ZNF550: variants seen among roughly 807,000 people sequenced by gnomAD.
ZNF550 encodes the protein zinc finger protein 550.
In ZNF550, 42 loss-of-function variants were observed where a neutral mutation model predicts 40.2. The observed-to-expected ratio is 1.05, with a 90% CI of 0.82 to 1.35. The LOEUF is 1.35. Ranked by LOEUF, ZNF550 falls within the 40% of genes most tolerant of loss-of-function variation. The probability of loss-of-function intolerance (pLI) is 0.00; values close to 1 mark genes in which losing one functional copy is unlikely to be tolerated. For missense variants in ZNF550, 549 were observed against 525.2 expected (o/e 1.05, Z -0.44); for synonymous variants, 223 against 198.6 (o/e 1.12, Z -1.03).
rs10410631 is a variant in ZNF550, at chr19:57,547,371, T to G, written c.873A>C (p.Gln291His). 7.4e-6 allele frequency: 12 copies of G among 1,613,228 alleles called. No individual in the cohort carries two copies. In the African/African-American group the frequency reaches 1.5e-4, roughly 20 times the overall value. Reference sequence around the variant, plus strand: ...ACCGGTGGGTGAAGGCCTTTCGACATTGACTACACTCATAGGGTTTCTCTC... The same window carrying G: ...ACCGGTGGGTGAAGGCCTTTCGACAGTGACTACACTCATAGGGTTTCTCTC... The change falls in exon 4 of 5, where the codon CAA becomes CAC. Residue 291 changes from glutamine (Q) to histidine (H), a missense_variant. Physicochemically the swap from Gln to His is conservative, Grantham distance 24. Coordinates refer to ENST00000457177, the Ensembl canonical transcript of ZNF550.
intron 1 of ZNF550, among the ~76,000 whole-genome samples, chr19:57,558,146 A>G (rs2090138746): frequency 6.6e-6 from 1 of 152,198 alleles, no homozygotes; most frequent in South Asian, 2.1e-4. Flanking sequence ...GAGAGCAGGC[A>G]GGTGGGAGTG....
exon 4 of ZNF550, chr19:57,547,633 T>C: frequency 6.2e-7 from 1 of 1,614,194 alleles, no homozygotes; most frequent in Non-Finnish European, 8.5e-7. Flanking sequence ...CTGCTTGCAT[T>C]TGTAGGGGTT....
intron 4 of ZNF550, chr19:57,544,474 T>C: frequency 1.0e-6 from 1 of 985,328 alleles, no homozygotes; most frequent in Non-Finnish European, 1.2e-6. Flanking sequence ...TAGGTACAAG[T>C]ACAGCCACAG....
At chr19:57,543,030 C>T (rs964019676) in exon 5 of ZNF550, 2 of 157,970 alleles carry the variant, frequency 1.3e-5, no homozygotes, top group African/African-American at 4.8e-5. Flanking sequence ...GACACACAGG[C>T]TTCCATTGTG....
chr19:57,544,586 G>GA (rs963575041), intron 4 of ZNF550: 6 of 984,870 alleles, frequency 6.1e-6, no homozygotes, highest in East Asian at 1.1e-4. Context: ...ACTCTGTCCT[G>GA]AAAAAACAAA....
chr19:57,561,328 AT>A (rs375657196), upstream of ZNF550, among the ~76,000 whole-genome samples: 5 of 152,310 alleles, frequency 3.3e-5, no homozygotes, highest in African/African-American at 1.2e-4. The surrounding 1 kb of genome is among the most constrained non-coding windows in gnomAD (Gnocchi z 4.9). Context: ...CATGTTCCAA[AT>A]TTTGTTCTCA....
At chr19:57,542,362 A>G (rs557243246) in exon 5 of ZNF550, 36 of 150,720 alleles carry the variant, frequency 2.4e-4, no homozygotes, top group Non-Finnish European at 5.0e-4. Flanking sequence ...ATGTATGGCC[A>G]TAAGTTTATT....
Position 57,547,578 on chromosome 19 carries a change from C to CTG in ZNF550, c.664_665dup (p.Gln222HisfsTer8). 6.2e-7 allele frequency: 1 copy of CTG among 1,614,200 alleles called. No homozygotes were observed. Among genetic ancestry groups the CTG allele is most frequent in the Non-Finnish European group, 8.5e-7 (1 of 1,180,040 alleles). ...AGGGTTTCATTCCAGTGTGAACCCT[C>CTG]TGATGTCGAACGAGATACCACTTCC... On this transcript the variant is annotated frameshift_variant, in exon 4 of 5. Coordinates refer to ENST00000457177, the Ensembl canonical transcript of ZNF550. LOFTEE classifies it high-confidence loss of function.
intron 4 of ZNF550, chr19:57,543,560 G>C: frequency 1.0e-6 from 1 of 965,156 alleles, no homozygotes; most frequent in Non-Finnish European, 1.2e-6. Context: ...ATTTCTCACA[G>C]ATTAAGCAGC....
chr19:57,556,769 A>C (rs1270281814), intron 1 of ZNF550: 1 of 195,860 alleles, frequency 5.1e-6, no homozygotes, highest in South Asian at 8.4e-5. Flanking sequence ...GGAAGACATA[A>C]GAAACTCCAT....
At chr19:57,556,392 T>C (rs1317885767) in intron 1 of ZNF550, 35 bp from the exon 2 acceptor site, 2 of 1,596,848 alleles carry the variant, frequency 1.3e-6, no homozygotes, top group South Asian at 1.1e-5. Flanking sequence ...CTATTGGCCT[T>C]GTGTTGTCGC....
intron 4 of ZNF550, chr19:57,543,673 C>G: frequency 1.0e-6 from 1 of 980,618 alleles, no homozygotes; most frequent in Non-Finnish European, 1.2e-6. Context: ...CGGTGGCTCA[C>G]GCCTGTAATC....
exon 4 of ZNF550, chr19:57,546,863 C>T (rs966384300): frequency 1.3e-5 from 19 of 1,433,582 alleles, no homozygotes; most frequent in Non-Finnish European, 1.7e-5. Flanking sequence ...GAAAAGTTTC[C>T]TGACATTCTT....
chr19:57,560,114 C>T (rs1391608736), upstream of ZNF550, among the ~76,000 whole-genome samples: 2 of 152,204 alleles, frequency 1.3e-5, no homozygotes, highest in East Asian at 1.9e-4. Flanking sequence ...CGCCCAGGCA[C>T]CCAGGTAAAC....
At chr19:57,559,089 A>C (rs1489619639) in intron 1 of ZNF550, among the ~76,000 whole-genome samples, 1 of 152,164 alleles carries the variant, frequency 6.6e-6, no homozygotes, top group African/African-American at 2.4e-5. Context: ...TTGTAGAGAC[A>C]GGAGGCCAAG....
chr19:57,560,003 A>G (rs115954578), upstream of ZNF550: 1,067 of 342,312 alleles, frequency 3.1e-3, 12 homozygotes, highest in African/African-American at 0.019. Flanking sequence ...TGTATATCTC[A>G]GATGATCTTA....
rs116319406 is a variant in ZNF550 at position 57,557,785 on chromosome 19, A to G, written c.28-1428T>C. Among the ~76,000 whole-genome samples the G allele has an allele frequency of 3.7e-3, 565 of 152,318 alleles. 3 individuals carry two copies. Among genetic ancestry groups the G allele is most frequent in the African/African-American group, 0.013 (547 of 41,578 alleles). The stretch of plus-strand genomic sequence containing the variant: ...AGCAAATAAAGGCCTGACTTAAATC[A>G]GGCCTCCTGAATCTGACACTTGCCA... On this transcript the variant is annotated intron_variant, in intron 1 of 4. Coordinates refer to ENST00000457177, the Ensembl canonical transcript of ZNF550.
chr19:57,546,867 C>T, exon 4 of ZNF550: 1 of 1,441,556 alleles, frequency 6.9e-7, no homozygotes, highest in South Asian at 1.6e-5. Context: ...AGTTTCCTGA[C>T]ATTCTTTGCA....
intron 1 of ZNF550, among the ~76,000 whole-genome samples, chr19:57,558,627 A>G (rs926552237): frequency 2.0e-5 from 3 of 152,210 alleles, no homozygotes; most frequent in African/African-American, 7.2e-5. Flanking sequence ...ATGACAAGAA[A>G]ACAGAGCAAG....
Sources: gnomAD v4.1 joint callset for allele counts (sites outside exome capture counted in the v4.1 genomes callset) on GRCh38, gnomAD v4.1.1 for gene constraint, Gnocchi (gnomAD v3.1) non-coding constraint, MANE v1.5 for transcripts, NCBI Gene and HGNC (gene_info 2026-07-23, HGNC 2026-07-21) for gene names.